PLEKHH1: variants seen among roughly 807,000 people sequenced by gnomAD.
PLEKHH1 encodes pleckstrin homology, MyTH4 and FERM domain containing H1.
A neutral mutation model predicts 160.0 loss-of-function variants in PLEKHH1; 104 were observed. The ratio of observed to expected loss-of-function variants is 0.65; its 90% confidence interval spans 0.55 to 0.76. The LOEUF (loss-of-function observed/expected upper bound fraction) is 0.76, where lower values mean the gene tolerates loss of function less well. PLEKHH1 is among the 30% of genes least tolerant of loss of function. PLEKHH1 has a pLI of 0.00. For synonymous variants in PLEKHH1, 619 were observed against 678.4 expected (o/e 0.91, Z 1.36); for missense variants, 1,427 against 1,724.1 (o/e 0.83, Z 3.05).
intron 26 of PLEKHH1, 66 bp downstream of exon 26, chr14:67,584,190 A>G: frequency 1.9e-6 from 3 of 1,546,524 alleles, no homozygotes; most frequent in Non-Finnish European, 2.6e-6. Flanking sequence ...TGTTTGAGCC[A>G]TACCAATTTG....
At chr14:67,570,036 G>T (rs45457800) in intron 9 of PLEKHH1, 24 bp downstream of exon 9, 30 of 1,468,244 alleles carry the variant, frequency 2.0e-5, no homozygotes, top group Non-Finnish European at 2.6e-5. Context: ...GCACAAAGAG[G>T]GGGTGTCTCA....
chr14:67,582,233 G>A lies in PLEKHH1; in HGVS notation c.3426+23G>A, dbSNP rs772242775. The A allele has an allele frequency of 6.2e-7, 1 of 1,613,400 alleles. No homozygotes were observed. The highest frequency in any genetic ancestry group is 1.3e-5 in the African/African-American group (1 of 75,038). On this transcript the variant is annotated intron_variant, in intron 24 of 28. Transcript: ENST00000329153. The surrounding 1 kb of genome is among the most constrained non-coding windows in gnomAD (Gnocchi z 5.0). ...CAGGTAAGGTTCTGTTCAGGAAGCAGGAGGGTCGGGTTGCCAGCTTAGAAT... is the reference window on the plus strand; with the variant it reads ...CAGGTAAGGTTCTGTTCAGGAAGCAAGAGGGTCGGGTTGCCAGCTTAGAAT...
Position 67,579,425 on chromosome 14 carries a change from A to G in PLEKHH1, c.3027+114A>G, listed in dbSNP as rs372276303. ...TTGTTCACTGTTGCCCCAGAAGTAG[A>G]TATTATGAACTCACTGCATGAACAG... On this transcript the variant is annotated intron_variant, in intron 21 of 28. Coordinates refer to ENST00000329153, the MANE Select transcript of PLEKHH1 (RefSeq NM_020715.3). 35 of 868,846 alleles carry G rather than the reference A, an allele frequency of 4.0e-5. No individual in the cohort carries two copies. The East Asian group carries it at 9.8e-4, about 24-fold the overall frequency. 53.8% of individuals were successfully genotyped at this position (868,846 alleles called of 1,614,324 possible). A position where few individuals can be genotyped will look rare whatever the true frequency, so the allele number is the denominator to read the frequency against.
chr14:67,576,254 C>T lies in PLEKHH1; in HGVS notation c.2353-141C>T. 4 of 621,714 alleles carry T rather than the reference C, an allele frequency of 6.4e-6. No individual in the cohort carries two copies. The highest frequency in any genetic ancestry group is 2.8e-5 in the East Asian group (1 of 36,050). 38.5% of individuals were successfully genotyped at this position (621,714 alleles called of 1,614,324 possible). On this transcript the variant is annotated intron_variant, in intron 16 of 28. Coordinates refer to ENST00000329153, the MANE Select transcript of PLEKHH1 (RefSeq NM_020715.3). This position sits in a 1 kb window ranked among gnomAD's most constrained non-coding sequence, Gnocchi z 4.0. ...GGTTCATGTTCACCTGATCCTCAGT[C>T]TTTCCAGGTAGCCCTGACTCATGCC...
At chr14:67,538,342 A>C (rs976971703) in intron 1 of PLEKHH1, among the ~76,000 whole-genome samples, 1 of 152,260 alleles carries the variant, frequency 6.6e-6, no homozygotes, top group Non-Finnish European at 1.5e-5. Context: ...GCTCTAAGCA[A>C]GTCACAGATG....
At chr14:67,534,925 C>T (rs2033643364) in intron 1 of PLEKHH1, among the ~76,000 whole-genome samples, 1 of 152,170 alleles carries the variant, frequency 6.6e-6, no homozygotes, top group Non-Finnish European at 1.5e-5. Context: ...ATATTCATTG[C>T]AGCATTGTTT....
chr14:67,568,909 G>A (rs2035236536), intron 7 of PLEKHH1: 1 of 517,526 alleles, frequency 1.9e-6, no homozygotes, highest in Admixed American at 3.6e-5. Flanking sequence ...CTTATGTTAA[G>A]TATTTCATTG....
intron 7 of PLEKHH1, among the ~76,000 whole-genome samples, chr14:67,563,314 G>C (rs899100982): frequency 3.3e-5 from 5 of 152,206 alleles, no homozygotes; most frequent in Admixed American, 2.0e-4. Flanking sequence ...ATAAAATGGG[G>C]ATAATAGTAC....
chr14:67,546,955 C>G (rs902999126), intron 2 of PLEKHH1, among the ~76,000 whole-genome samples: 6 of 151,896 alleles, frequency 4.0e-5, no homozygotes, highest in African/African-American at 1.5e-4. Flanking sequence ...TACCCTATTC[C>G]TCAGGGGCCA....
At position 67,562,692 on chromosome 14, in the gene PLEKHH1, C is replaced by A; in HGVS notation, c.1061C>A (p.Ser354Ter). The A allele has an allele frequency of 6.2e-7, 1 of 1,612,428 alleles. No individual in the cohort carries two copies. The highest frequency in any genetic ancestry group is 1.1e-5 in the South Asian group (1 of 90,684). The change falls in exon 7 of 29, where the codon TCA (serine) becomes TAA (stop). Residue 354 changes from serine to a stop codon, truncating the protein, a stop_gained. Coordinates refer to ENST00000329153, the MANE Select transcript of PLEKHH1 (RefSeq NM_020715.3). LOFTEE classifies it high-confidence loss of function. ...GTGAACATTGAGACTGAGGCCTTCT[C>A]AGCCCTCCACCCCTCTGGCCTTCCT... is the stretch of plus-strand genomic sequence containing the variant. The part of the protein sequence containing the change: ...RVVNIETEAF[S>*]ALHPSGLPEL...
Position 67,578,020 on chromosome 14 carries a change from C to T in PLEKHH1, c.2575-3C>T. On this transcript the variant is annotated splice_polypyrimidine_tract_variant and splice_region_variant and intron_variant, in intron 18 of 28. Transcript: ENST00000329153. The surrounding 1 kb of genome is among the most constrained non-coding windows in gnomAD (Gnocchi z 5.0). ...GCCTGTGCTCACTGCTGTTCCCTCC[C>T]AGTCCTGCCAGCTCTTCATCAACGT... is the stretch of plus-strand genomic sequence containing the variant. 1 of 1,612,688 alleles carries T rather than the reference C, an allele frequency of 6.2e-7. No individual in the cohort carries two copies. Among genetic ancestry groups the T allele is most frequent in the Non-Finnish European group, 8.5e-7 (1 of 1,179,312 alleles).
chr14:67,572,009 C>G, intron 10 of PLEKHH1, 107 bp downstream of exon 10: 1 of 1,483,296 alleles, frequency 6.7e-7, no homozygotes. Context: ...CTCGTGACCC[C>G]CCAGCAGCTC....
At chr14:67,534,801 T>C (rs1338042308) in intron 1 of PLEKHH1, among the ~76,000 whole-genome samples, 1 of 151,672 alleles carries the variant, frequency 6.6e-6, no homozygotes, top group African/African-American at 2.4e-5. Flanking sequence ...AAAAAAAAAA[T>C]CCAAAGAAAT....
intron 15 of PLEKHH1, 34 bp from the exon 16 acceptor site, chr14:67,575,789 G>C: frequency 6.4e-7 from 1 of 1,564,670 alleles, no homozygotes. Flanking sequence ...ATCCCCCACT[G>C]GCTCTCCCAT....
Position 67,574,164 on chromosome 14 carries a change from G to T in PLEKHH1, c.1927-78G>T. 1 of 1,337,766 alleles carries T rather than the reference G, an allele frequency of 7.5e-7. No individual in the cohort carries two copies. The highest frequency in any genetic ancestry group is 1.5e-5 in the South Asian group (1 of 66,856). 82.9% of individuals were successfully genotyped at this position (1,337,766 alleles called of 1,614,324 possible). A position where few individuals can be genotyped will look rare whatever the true frequency, so the allele number is the denominator to read the frequency against. ...GGCCAGCCCCTTGGGTTCAGGGACA[G>T]GTGCCACCTCGGAGCCAGGTCCTGG... is the stretch of plus-strand genomic sequence containing the variant. On this transcript the variant is annotated intron_variant, in intron 13 of 28. Transcript: ENST00000329153. The surrounding 1 kb of genome is among the most constrained non-coding windows in gnomAD (Gnocchi z 4.2).
intron 15 of PLEKHH1, 164 bp from the exon 16 acceptor site, chr14:67,575,659 T>A (rs2035592759): frequency 1.4e-6 from 1 of 705,710 alleles, no homozygotes; most frequent in African/African-American, 1.8e-5. Context: ...CAAGCAAGCC[T>A]CATTCTGCTG....
chr14:67,573,672 T>C lies in PLEKHH1; in HGVS notation c.1840-129T>C, dbSNP rs11625701. The stretch of plus-strand genomic sequence containing the variant: ...AGAATCTAGAATAAGTCACCCATCA[T>C]AACACAGCCAGAATGCTGGGAATCA... On this transcript the variant is annotated intron_variant, in intron 12 of 28. Transcript: ENST00000329153. The surrounding 1 kb of genome is among the most constrained non-coding windows in gnomAD (Gnocchi z 4.8). The C allele has an allele frequency of 0.22, 157,605 of 724,810 alleles. 20,443 individuals are homozygous for C. Among genetic ancestry groups the C allele is most frequent in the Non-Finnish European group, 0.29 (116,007 of 400,582 alleles). 44.9% of individuals were successfully genotyped at this position (724,810 alleles called of 1,614,324 possible). A position where few individuals can be genotyped will look rare whatever the true frequency, so the allele number is the denominator to read the frequency against.
chr14:67,573,213 G>A lies in PLEKHH1; in HGVS notation c.1729-63G>A, dbSNP rs2035468630. ...TGAGGCAGCTGGACCACTTGGACCT[G>A]TGTGATGTCTAGGAGCCCTGAGTGA... is the stretch of plus-strand genomic sequence containing the variant. On this transcript the variant is annotated intron_variant, in intron 11 of 28. Coordinates refer to ENST00000329153, the MANE Select transcript of PLEKHH1 (RefSeq NM_020715.3). This position sits in a 1 kb window ranked among gnomAD's most constrained non-coding sequence, Gnocchi z 4.8. 4 of 1,017,720 alleles carry A rather than the reference G, an allele frequency of 3.9e-6. No homozygotes were observed. The East Asian group carries it at 7.1e-5, about 18-fold the overall frequency. 63.0% of individuals were successfully genotyped at this position (1,017,720 alleles called of 1,614,324 possible). A position where few individuals can be genotyped will look rare whatever the true frequency, so the allele number is the denominator to read the frequency against.
At chr14:67,556,019 G>C (rs768077517) in intron 3 of PLEKHH1, 132 bp downstream of exon 3, 21 of 1,212,034 alleles carry the variant, frequency 1.7e-5, no homozygotes, top group South Asian at 1.1e-4. Context: ...ATGAGTGTGC[G>C]TGGAGCTTTC....
Sources: gnomAD v4.1 joint callset for allele counts (sites outside exome capture counted in the v4.1 genomes callset) on GRCh38, gnomAD v4.1.1 for gene constraint, Gnocchi (gnomAD v3.1) non-coding constraint, MANE v1.5 for transcripts, NCBI Gene and HGNC (gene_info 2026-07-23, HGNC 2026-07-21) for gene names.